Variants in OR51B5 observed in about 807,000 individuals in gnomAD.
OR51B5 encodes olfactory receptor 51B5.
For synonymous variants in OR51B5, 186 were observed against 144.8 expected (o/e 1.28, Z -2.04); for missense variants, 456 against 374.6 (o/e 1.22, Z -1.79).
At chr11:5,483,388 G>A (rs1225760075) in intron 1 of OR51B5, among the ~76,000 whole-genome samples, 1 of 140,700 alleles carries the variant, frequency 7.1e-6, no homozygotes, top group Non-Finnish European at 1.5e-5. Flanking sequence ...GGATAGCATT[G>A]GGAGATATAC....
chr11:5,413,230 C>G (rs929570937), intron 1 of OR51B5, among the ~76,000 whole-genome samples: 5 of 152,202 alleles, frequency 3.3e-5, no homozygotes, highest in Non-Finnish European at 7.3e-5. Flanking sequence ...AGGGTCCTGT[C>G]TGTTAGAAGG....
chr11:5,367,832 A>AT (rs1846521438), intron 1 of OR51B5, among the ~76,000 whole-genome samples: 1 of 152,192 alleles, frequency 6.6e-6, no homozygotes, highest in African/African-American at 2.4e-5. Flanking sequence ...CACTTGCACA[A>AT]TATATGCATT....
chr11:5,454,970 A>G (rs909045179), intron 1 of OR51B5: 7 of 152,552 alleles, frequency 4.6e-5, no homozygotes, highest in African/African-American at 1.7e-4. Context: ...TAACATTACC[A>G]TTGCTGCCTT....
At chr11:5,411,404 TATG>T (rs1850147086) in intron 1 of OR51B5, among the ~76,000 whole-genome samples, 1 of 152,074 alleles carries the variant, frequency 6.6e-6, no homozygotes, top group Non-Finnish European at 1.5e-5. Flanking sequence ...GTGAGTACAG[TATG>T]ATGTTGGCAC....
At chr11:5,390,464 C>G in intron 1 of OR51B5, 1 of 1,199,590 alleles carries the variant, frequency 8.3e-7, no homozygotes, top group Non-Finnish European at 1.1e-6. Context: ...ATATAGCATG[C>G]TCTTAAAGAT....
chr11:5,450,113 G>A (rs1476554401), intron 1 of OR51B5, among the ~76,000 whole-genome samples: 1 of 152,152 alleles, frequency 6.6e-6, no homozygotes, highest in Non-Finnish European at 1.5e-5. Context: ...CATACACCAG[G>A]CGTGGTGGCT....
intron 1 of OR51B5, among the ~76,000 whole-genome samples, chr11:5,446,161 A>G (rs961180264): frequency 6.6e-6 from 1 of 152,132 alleles, no homozygotes; most frequent in African/African-American, 2.4e-5. Context: ...GTAAATGATG[A>G]GTTAATGGGT....
At chr11:5,440,992 C>T (rs769499379) in intron 1 of OR51B5, 1 of 1,613,964 alleles carries the variant, frequency 6.2e-7, no homozygotes, top group Non-Finnish European at 8.5e-7. Context: ...TGATGCAAAA[C>T]ATTGCCTTTG....
chr11:5,374,814 C>T (rs1849498553), intron 1 of OR51B5, among the ~76,000 whole-genome samples: 1 of 152,014 alleles, frequency 6.6e-6, no homozygotes, highest in Admixed American at 6.6e-5. Flanking sequence ...ACAAAGCCTC[C>T]AAGAAATATG....
intron 1 of OR51B5, among the ~76,000 whole-genome samples, chr11:5,502,187 C>A (rs1846303452): frequency 6.6e-6 from 1 of 151,302 alleles, no homozygotes; most frequent in African/African-American, 2.4e-5. Flanking sequence ...TGCTTCTCCG[C>A]TTGTCACTCT....
chr11:5,376,627 T>C (rs1471986351), intron 1 of OR51B5, among the ~76,000 whole-genome samples: 2 of 151,934 alleles, frequency 1.3e-5, no homozygotes, highest in South Asian at 2.1e-4. Context: ...ATAAAGGGGA[T>C]ATCACCACCG....
At chr11:5,409,715 T>G (rs1315465704) in intron 1 of OR51B5, among the ~76,000 whole-genome samples, 1 of 151,924 alleles carries the variant, frequency 6.6e-6, no homozygotes, top group Non-Finnish European at 1.5e-5. Context: ...ACTTAAACAA[T>G]AGAGGAAAAG....
upstream of OR51B5, among the ~76,000 whole-genome samples, chr11:5,348,030 C>G (rs538914972): frequency 2.0e-5 from 3 of 146,486 alleles, no homozygotes; most frequent in East Asian, 5.8e-4. Context: ...TCTGTAAGAT[C>G]TCATTGCAGG....
chr11:5,392,827 G>T (rs1343640580), intron 1 of OR51B5: 1 of 152,184 alleles, frequency 6.6e-6, no homozygotes, highest in African/African-American at 2.4e-5. Context: ...CAGCAGAATG[G>T]CGTGAACCCA....
chr11:5,395,387 A>G (rs892371156), intron 1 of OR51B5, among the ~76,000 whole-genome samples: 1 of 152,178 alleles, frequency 6.6e-6, no homozygotes, highest in Non-Finnish European at 1.5e-5. Flanking sequence ...AAGTCATTGG[A>G]GTGACCTCTC....
chr11:5,479,388 T>C (rs1027487358), intron 1 of OR51B5, among the ~76,000 whole-genome samples: 3 of 151,040 alleles, frequency 2.0e-5, no homozygotes, highest in Non-Finnish European at 4.4e-5. Flanking sequence ...GAACAACCGG[T>C]ACCAGCTGCT....
chr11:5,351,865 T>C (rs77989044), intron 1 of OR51B5: 111,364 of 1,611,294 alleles, frequency 0.069, 5,430 homozygotes, highest in African/African-American at 0.23. Flanking sequence ...GGCTTATGAC[T>C]GTTTCATTAC....
rs1157983517 is a variant in OR51B5, at chr11:5,464,276, G to C, written n.84+41293C>G. ...TTTTAACACAAAAATCTGAGAATTAGAAAGTTAAGGTTGATAATTTTTTAA... is the reference window on the plus strand; with the variant it reads ...TTTTAACACAAAAATCTGAGAATTACAAAGTTAAGGTTGATAATTTTTTAA... On this transcript the variant is annotated intron_variant and non_coding_transcript_variant, in intron 1 of 4. Transcript: ENST00000415970. Among the ~76,000 whole-genome samples the C allele has an allele frequency of 2.0e-5, 3 of 152,192 alleles. No individual in the cohort carries two copies. In the East Asian group the frequency reaches 5.8e-4, roughly 29 times the overall value.
rs558655117 is a variant in OR51B5, at chr11:5,369,516, G to A, written n.85-22606C>T. 5.4e-3 allele frequency among the ~76,000 whole-genome samples: 828 copies of A among 152,046 alleles called. 8 individuals carry two copies. The highest frequency in any genetic ancestry group is 0.021 in the South Asian group (101 of 4,818). ...AGACATTTAAAAAAGTATACAACTA[G>A]TAAGTAGTTGTATTTTTAAAATTTT... On this transcript the variant is annotated intron_variant and non_coding_transcript_variant, in intron 1 of 4. Coordinates refer to the OR51B5 transcript ENST00000415970.
Sources: gnomAD v4.1 joint callset for allele counts (sites outside exome capture counted in the v4.1 genomes callset) on GRCh38, gnomAD v4.1.1 for gene constraint, MANE v1.5 for transcripts, NCBI Gene and HGNC (gene_info 2026-07-23, HGNC 2026-07-21) for gene names.